ST7L: variants seen among roughly 807,000 people sequenced by gnomAD.
The protein encoded by ST7L is suppression of tumorigenicity 7 like.
A neutral mutation model predicts 72.5 loss-of-function variants in ST7L; 57 were observed. The ratio of observed to expected loss-of-function variants is 0.79; its 90% CI spans 0.64 to 0.98. The LOEUF (loss-of-function observed/expected upper bound fraction) is 0.98, where lower values mean the gene tolerates loss of function less well. Ranked by LOEUF, ST7L falls within the 50% of genes least tolerant of loss-of-function variation. ST7L has a pLI of 0.00. For synonymous variants in ST7L, 221 were observed against 240.9 expected (o/e 0.92, Z 0.77); for missense variants, 576 against 672.2 (o/e 0.86, Z 1.58).
Position 112,610,880 on chromosome 1 carries a change from T to C in ST7L, c.412A>G (p.Arg138Gly). ...CTGCTGGTTTCATTTTCTCTGTTCC[T>C]CGAAGGAGAACCTGGTTCTGAAATG... ...SSISEPGSPS[R>G]NRENETSRQN... The change falls in exon 3 of 15, where the codon AGG becomes GGG. Residue 138 changes from arginine to glycine, a missense_variant. Arg to Gly is a moderately radical substitution (Grantham distance 125). Transcript: ENST00000358039. 1 of 1,614,192 alleles carries C rather than the reference T, an allele frequency of 6.2e-7. No individual in the cohort carries two copies. The highest frequency in any genetic ancestry group is 8.5e-7 in the Non-Finnish European group (1 of 1,180,024).
In ST7L at chr1:112,598,018, T is replaced by A; in HGVS notation, c.575A>T (p.Gln192Leu). Residue 192 changes from glutamine to leucine, a missense_variant, in exon 5 of 15, where the codon CAG (glutamine) becomes CTG (leucine). Physicochemically the swap from Gln to Leu is moderately radical, Grantham distance 113. This residue lies in a region of ST7L where 511 missense variants were observed against 600.7 expected (regional missense o/e 0.85). Coordinates refer to ENST00000358039, the MANE Select transcript of ST7L (RefSeq NM_017744.5). ...YDMNLSAQDH[Q>L]TFFTCDTDFL... ...ATCTGTGTCACAGGTGAAAAAGGTCTGATGGTCCTGAGCTGACAGGTTCAT... is the reference window on the plus strand; with the variant it reads ...ATCTGTGTCACAGGTGAAAAAGGTCAGATGGTCCTGAGCTGACAGGTTCAT... The A allele has an allele frequency of 6.2e-7, 1 of 1,613,906 alleles. No homozygotes were observed. Among genetic ancestry groups the A allele is most frequent in the Admixed American group, 1.7e-5 (1 of 59,974 alleles).
chr1:112,529,532 A>T (rs1654016889), intron 14 of ST7L: 1 of 152,164 alleles, frequency 6.6e-6, no homozygotes, highest in South Asian at 2.1e-4. Context: ...AATGGAAAGG[A>T]TTTCAATACT....
chr1:112,578,436 A>G lies in ST7L; in HGVS notation c.1070-19T>C, dbSNP rs1222448511. ...CTTATATCTGTAACGATAATTTTCA[A>G]TTTAGGTAGGAATTACAAAAAAGGT... On this transcript the variant is annotated intron_variant, in intron 9 of 14. Coordinates refer to ENST00000358039, the MANE Select transcript of ST7L (RefSeq NM_017744.5). The G allele has an allele frequency of 1.9e-6, 3 of 1,610,816 alleles. No homozygotes were observed. Among genetic ancestry groups the G allele is most frequent in the African/African-American group, 1.3e-5 (1 of 74,830 alleles).
intron 1 of ST7L, among the ~76,000 whole-genome samples, chr1:112,617,713 TCTCTCACACACACA>T (rs1670102406): frequency 2.1e-5 from 2 of 93,352 alleles, no homozygotes; most frequent in African/African-American, 7.9e-5. Context: ...TGTCTTTCTC[TCTCTCACACACACA>T]CACACACACA....
At chr1:112,539,500 A>AT (rs1276660626) in intron 14 of ST7L, among the ~76,000 whole-genome samples, 1 of 152,110 alleles carries the variant, frequency 6.6e-6, no homozygotes, top group East Asian at 1.9e-4. Flanking sequence ...TACTAAAAAT[A>AT]CAAAAGTTAG....
chr1:112,540,424 A>C, intron 14 of ST7L: 1 of 985,466 alleles, frequency 1.0e-6, no homozygotes, highest in Non-Finnish European at 1.2e-6. Context: ...ACTGCAAATA[A>C]CAGTTATGAG....
At chr1:112,565,211 A>AAT (rs1660797583) in intron 11 of ST7L, among the ~76,000 whole-genome samples, 1 of 57,940 alleles carries the variant, frequency 1.7e-5, no homozygotes, top group Non-Finnish European at 3.0e-5. Context: ...TGTTCGGCTA[A>AAT]TTTTTTTTTT....
intron 2 of ST7L, among the ~76,000 whole-genome samples, chr1:112,613,826 C>T (rs1570654219): frequency 6.6e-6 from 1 of 152,142 alleles, no homozygotes; most frequent in East Asian, 1.9e-4. Context: ...TTCCTGGGCT[C>T]AAGCAATCCT....
intron 5 of ST7L, among the ~76,000 whole-genome samples, chr1:112,597,053 C>A (rs184402426): frequency 6.6e-6 from 1 of 152,192 alleles, no homozygotes; most frequent in Admixed American, 6.5e-5. Context: ...AAAGTTTATA[C>A]CCTAGTAGCA....
chr1:112,594,673 T>C (rs1370389634), intron 5 of ST7L, among the ~76,000 whole-genome samples: 1 of 152,166 alleles, frequency 6.6e-6, no homozygotes, highest in Admixed American at 6.5e-5. Context: ...AGAAGACAGA[T>C]GGTTGTCATG....
chr1:112,612,179 C>T (rs1284292269), intron 2 of ST7L, among the ~76,000 whole-genome samples: 1 of 151,974 alleles, frequency 6.6e-6, no homozygotes, highest in South Asian at 2.1e-4. Context: ...TCACTGAAAC[C>T]TTGACCTCCC....
intron 6 of ST7L, among the ~76,000 whole-genome samples, chr1:112,584,529 C>A (rs1282737928): frequency 6.6e-6 from 1 of 151,762 alleles, no homozygotes; most frequent in Non-Finnish European, 1.5e-5. Context: ...CTTTTGTCAC[C>A]CAGGCTGGAG....
At chr1:112,541,730 C>T in intron 14 of ST7L, 1 of 1,149,796 alleles carries the variant, frequency 8.7e-7, no homozygotes, top group Non-Finnish European at 1.1e-6. Flanking sequence ...TATATTGTTA[C>T]AATCTTATAT....
chr1:112,598,504 A>C (rs1489826061), intron 4 of ST7L, among the ~76,000 whole-genome samples: 1 of 151,654 alleles, frequency 6.6e-6, no homozygotes, highest in Admixed American at 6.6e-5. Context: ...AATCCCAGCT[A>C]CTGGGGAGGC....
downstream of ST7L, among the ~76,000 whole-genome samples, chr1:112,518,669 T>C (rs1297150932): frequency 1.3e-5 from 2 of 152,190 alleles, no homozygotes; most frequent in African/African-American, 4.8e-5. Context: ...ACTACCATAC[T>C]GAAAATACAC....
At chr1:112,591,411 A>G in intron 6 of ST7L, 114 bp downstream of exon 6, 1 of 831,230 alleles carries the variant, frequency 1.2e-6, no homozygotes, top group Non-Finnish European at 1.8e-6. Context: ...ATAACATGCA[A>G]AAAGGAAATG....
In ST7L at chr1:112,610,992, C is replaced by A; in HGVS notation, c.300G>T (p.Trp100Cys). 6.2e-7 allele frequency: 1 copy of A among 1,613,834 alleles called. No individual in the cohort carries two copies. Among genetic ancestry groups the A allele is most frequent in the Non-Finnish European group, 8.5e-7 (1 of 1,179,950 alleles). ...LISGLIFIFE[W>C]WYFHKHGTSF... ...ATGTGCCATGCTTATGGAAGTACCA[C>A]CATTCAAATATCTATGACAAACAGA... The change falls in exon 3 of 15, where the codon TGG becomes TGT. Residue 100 changes from tryptophan (W) to cysteine (C), a missense_variant. Around this residue, in one of 3 missense-constraint regions of ST7L, gnomAD observed 511 missense variants for 600.7 expected, o/e 0.85. Coordinates refer to ENST00000358039, the MANE Select transcript of ST7L (RefSeq NM_017744.5).
chr1:112,584,493 G>C (rs1664595363), intron 6 of ST7L, among the ~76,000 whole-genome samples: 1 of 151,660 alleles, frequency 6.6e-6, no homozygotes, highest in Non-Finnish European at 1.5e-5. Context: ...GGTCATACCT[G>C]CTTTTTTTTT....
At chr1:112,546,316 CAA>C (rs57742086) in intron 13 of ST7L, among the ~76,000 whole-genome samples, 1,481 of 91,256 alleles carry the variant, frequency 0.016, 23 homozygotes, top group African/African-American at 0.053. Context: ...AATCCTAACT[CAA>C]AAAAAAAAAA....
Sources: allele counts gnomAD v4.1 joint callset (sites outside exome capture counted in the v4.1 genomes callset), GRCh38; gene constraint gnomAD v4.1.1; regional missense constraint gnomAD v4.1.1; transcripts MANE v1.5; gene names NCBI Gene and HGNC (gene_info 2026-07-23, HGNC 2026-07-21).